The following NTRK2 variants were observed in gnomAD, a reference collection of about 807,000 sequenced individuals.
NTRK2 encodes neurotrophic receptor tyrosine kinase 2, also known as BDNF/NT-3 growth factors receptor.
A neutral mutation model predicts 94.5 loss-of-function variants in NTRK2; 13 were observed. That is an observed-to-expected ratio of 0.14 (90% CI 0.09 to 0.22). The LOEUF (loss-of-function observed/expected upper bound fraction) is 0.22. Among genes scored for constraint, NTRK2 ranks in the 10% least tolerant of loss-of-function variants. NTRK2 has a pLI of 1.00. For missense variants in NTRK2, 639 were observed against 1,071.2 expected (o/e 0.60, Z 5.63); for synonymous variants, 372 against 407.4 (o/e 0.91, Z 1.05).
intron 9 of NTRK2, among the ~76,000 whole-genome samples, chr9:84,728,274 G>C (rs2062602765): frequency 6.6e-6 from 1 of 152,140 alleles, no homozygotes; most frequent in Non-Finnish European, 1.5e-5. Context: ...TGTCTCTTCA[G>C]CTTATCTGCC....
intron 14 of NTRK2, chr9:84,877,113 T>C (rs6559833): frequency 0.23 from 243,173 of 1,064,212 alleles, 30,279 homozygotes; most frequent in African/African-American, 0.47. Context: ...CACACTTTCC[T>C]TCTCGGATTG....
intron 12 of NTRK2, among the ~76,000 whole-genome samples, chr9:84,845,248 T>TACACAC (rs1491253305): frequency 2.6e-4 from 23 of 87,430 alleles, no homozygotes; most frequent in African/African-American, 1.2e-3. Context: ...AAATGTGGTG[T>TACACAC]ATACACACAC....
intron 17 of NTRK2, among the ~76,000 whole-genome samples, chr9:84,985,207 C>T (rs1828146779): frequency 6.6e-6 from 1 of 152,172 alleles, no homozygotes; most frequent in Admixed American, 6.5e-5. Context: ...ATGATTTTTG[C>T]GTCCTTTTCT....
chr9:84,867,172 T>G, intron 13 of NTRK2, 71 bp from the exon 14 acceptor site: 1 of 1,476,060 alleles, frequency 6.8e-7, no homozygotes, highest in Non-Finnish European at 9.4e-7. Flanking sequence ...ATGGGTAAAT[T>G]TTATGTATGT....
intron 16 of NTRK2, among the ~76,000 whole-genome samples, chr9:84,951,213 G>A (rs2078770053): frequency 1.3e-5 from 2 of 152,252 alleles, no homozygotes; most frequent in African/African-American, 4.8e-5. Context: ...AATGCCAGGT[G>A]GAATTAGGAA....
intron 17 of NTRK2, among the ~76,000 whole-genome samples, chr9:84,965,850 C>A (rs1243171132): frequency 6.6e-6 from 1 of 152,210 alleles, no homozygotes; most frequent in Non-Finnish European, 1.5e-5. Context: ...CTCTCCATAT[C>A]AATCTCTTAA....
In NTRK2 at chr9:84,724,225, A is replaced by G. The variant is rs778290134; in HGVS notation, c.722A>G (p.Asn241Ser). The G allele has an allele frequency of 1.9e-6, 3 of 1,614,052 alleles. No individual in the cohort carries two copies. The highest frequency in any genetic ancestry group is 2.2e-5 in the East Asian group (1 of 44,898). ...TTTTGTCTGTTAATTCATTTGTAGA[A>G]TGAAACAAGCCACACACAGGGCTCC... is the stretch of plus-strand genomic sequence containing the variant. ...DVGNLVSKHM[N>S]ETSHTQGSLR... Residue 241 changes from asparagine (N) to serine (S), a missense_variant and splice_region_variant, in exon 8 of 19, where the codon AAT becomes AGT. By Grantham distance (46) the Asn-to-Ser change is conservative. Around this residue, in one of 5 missense-constraint regions of NTRK2, gnomAD observed 343 missense variants for 571.5 expected, o/e 0.60. Transcript: ENST00000277120.
At chr9:84,694,992 T>TAA (rs2060279465) in intron 2 of NTRK2, among the ~76,000 whole-genome samples, 1 of 147,862 alleles carries the variant, frequency 6.8e-6, no homozygotes, top group Non-Finnish European at 1.5e-5. Context: ...CCTGGGGAGC[T>TAA]TGCAGTGAGC....
At chr9:84,692,687 G>A (rs1016911005) in intron 2 of NTRK2, among the ~76,000 whole-genome samples, 7 of 151,748 alleles carry the variant, frequency 4.6e-5, no homozygotes, top group Admixed American at 1.3e-4. Context: ...GGCTGGTCTC[G>A]AACTCCTGAC....
In NTRK2 at chr9:84,867,762, C is replaced by T. The variant is rs1195410328; in HGVS notation, c.1633+331C>T. Among the ~76,000 whole-genome samples the T allele has an allele frequency of 3.3e-5, 5 of 152,292 alleles. No individual in the cohort carries two copies. The East Asian group carries it at 7.7e-4, about 23-fold the overall frequency. ...AAACCAGAAGTGTCATTTGAATGCA[C>T]ATATATCAGTTATAGATGACAAGCA... On this transcript the variant is annotated intron_variant, in intron 14 of 18. Coordinates refer to ENST00000277120, the MANE Select transcript of NTRK2 (RefSeq NM_006180.6).
intron 17 of NTRK2, among the ~76,000 whole-genome samples, chr9:84,988,520 C>A (rs972801418): frequency 6.6e-5 from 10 of 152,192 alleles, no homozygotes; most frequent in African/African-American, 2.2e-4. Flanking sequence ...TGAGACAATT[C>A]TCCCATCATG....
chr9:84,712,331 C>A (rs1484378166), intron 6 of NTRK2, among the ~76,000 whole-genome samples: 1 of 152,122 alleles, frequency 6.6e-6, no homozygotes, highest in Non-Finnish European at 1.5e-5. Context: ...GGATAGGGGA[C>A]GTGTAGGGAG....
chr9:84,854,482 A>G (rs1257905649), intron 12 of NTRK2, among the ~76,000 whole-genome samples: 1 of 152,152 alleles, frequency 6.6e-6, no homozygotes, highest in East Asian at 1.9e-4. Flanking sequence ...GGATGCAGAT[A>G]ATAAACAACA....
At chr9:84,957,141 G>A (rs761810144) in intron 17 of NTRK2, among the ~76,000 whole-genome samples, 24 of 152,246 alleles carry the variant, frequency 1.6e-4, no homozygotes, top group Middle Eastern at 6.8e-3. Flanking sequence ...ATGATTCTCC[G>A]AAGAAAAGCT....
chr9:84,901,488 T>C (rs1157993324), intron 14 of NTRK2, among the ~76,000 whole-genome samples: 1 of 152,070 alleles, frequency 6.6e-6, no homozygotes, highest in Non-Finnish European at 1.5e-5. Flanking sequence ...TGCCTCAGCC[T>C]CCCAAAGTGC....
intron 12 of NTRK2, among the ~76,000 whole-genome samples, chr9:84,802,295 G>GA (rs573105502): frequency 1.2e-4 from 19 of 152,162 alleles, no homozygotes; most frequent in Non-Finnish European, 2.2e-4. Context: ...AATAAACTGC[G>GA]AAATCTGGTG....
chr9:85,015,782 G>A (rs910653052), intron 17 of NTRK2, among the ~76,000 whole-genome samples: 35 of 152,288 alleles, frequency 2.3e-4, no homozygotes, highest in African/African-American at 8.2e-4. Flanking sequence ...GGGAAGTAGG[G>A]AGAAAGGGAA....
chr9:84,954,188 G>A lies in NTRK2; in HGVS notation c.1938-1095G>A, dbSNP rs573719000. Among the ~76,000 whole-genome samples the A allele has an allele frequency of 3.3e-5, 5 of 151,894 alleles. No individual in the cohort carries two copies. The South Asian group carries it at 1.0e-3, about 31-fold the overall frequency. ...CTTGAGAGAGATCTTTCCTTTCCCAGAGAGAAGCCCTTGGCCACGCCAGGG... is the reference window on the plus strand; with the variant it reads ...CTTGAGAGAGATCTTTCCTTTCCCAAAGAGAAGCCCTTGGCCACGCCAGGG... On this transcript the variant is annotated intron_variant, in intron 16 of 18. Coordinates refer to ENST00000277120, the MANE Select transcript of NTRK2 (RefSeq NM_006180.6).
rs578024473 is a variant in NTRK2, at chr9:85,025,024, C to A, written c.*3587C>A. On this transcript the variant is annotated 3_prime_UTR_variant, in exon 19 of 19. Coordinates refer to ENST00000277120, the MANE Select transcript of NTRK2 (RefSeq NM_006180.6). ...AATAGAGGTAATTATAAGTAGGATG[C>A]GGTATGAATAATTTGCTTAAAATAT... is the stretch of plus-strand genomic sequence containing the variant. 3.9e-5 allele frequency: 9 copies of A among 232,786 alleles called. No individual in the cohort carries two copies. The highest frequency in any genetic ancestry group is 6.8e-5 in the Non-Finnish European group (8 of 117,900). The allele number at this position is 232,786 out of a possible 1,614,324, so 14.4% of individuals were successfully genotyped here.
Sources: gnomAD v4.1 joint callset for allele counts (sites outside exome capture counted in the v4.1 genomes callset) on GRCh38, gnomAD v4.1.1 for gene constraint, gnomAD v4.1.1 regional missense constraint, MANE v1.5 for transcripts, NCBI Gene and HGNC (gene_info 2026-07-23, HGNC 2026-07-21) for gene names.